The following FAM184A variants were observed in gnomAD, a reference collection of about 807,000 sequenced individuals.
FAM184A encodes the protein protein FAM184A.
Under a neutral mutation model 143.8 loss-of-function variants are expected in FAM184A, and 99 were observed. That is an observed-to-expected ratio of 0.69 (90% confidence interval 0.58 to 0.81). The LOEUF (loss-of-function observed/expected upper bound fraction) is 0.81, where lower values mean the gene tolerates loss of function less well. FAM184A is among the 40% of genes least tolerant of loss of function. The pLI, the probability that FAM184A is intolerant of heterozygous loss-of-function variation, is 0.00. For missense variants in FAM184A, 1,217 were observed against 1,310.5 expected (o/e 0.93, Z 1.10); for synonymous variants, 427 against 446.4 (o/e 0.96, Z 0.55).
At chr6:119,028,993 C>T (rs1259249795) in intron 1 of FAM184A, among the ~76,000 whole-genome samples, 1 of 152,164 alleles carries the variant, frequency 6.6e-6, no homozygotes, top group Non-Finnish European at 1.5e-5. Flanking sequence ...GTTATGTGTT[C>T]TATCCAGTGT....
chr6:119,040,141 C>A (rs756217013), intron 1 of FAM184A, among the ~76,000 whole-genome samples: 1 of 151,788 alleles, frequency 6.6e-6, no homozygotes, highest in Non-Finnish European at 1.5e-5. Flanking sequence ...AAATAAATTT[C>A]CATTCCTGCT....
intron 1 of FAM184A, among the ~76,000 whole-genome samples, chr6:119,027,029 C>T (rs756159032): frequency 2.0e-5 from 3 of 152,094 alleles, no homozygotes; most frequent in Admixed American, 2.0e-4. Context: ...AGAACCTTGG[C>T]GTCCACAACC....
At chr6:119,000,839 G>A (rs548825164) in intron 9 of FAM184A, among the ~76,000 whole-genome samples, 3 of 151,934 alleles carry the variant, frequency 2.0e-5, no homozygotes, top group South Asian at 4.2e-4. Flanking sequence ...TTTCCCTTAT[G>A]TGCTGAATGC....
chr6:119,064,719 C>A (rs988391843), intron 1 of FAM184A, among the ~76,000 whole-genome samples: 1 of 152,070 alleles, frequency 6.6e-6, no homozygotes, highest in Non-Finnish European at 1.5e-5. Flanking sequence ...AAAACAACAA[C>A]AAAAAACTGA....
intron 1 of FAM184A, among the ~76,000 whole-genome samples, chr6:119,053,676 C>T (rs617874): frequency 0.037 from 5,703 of 152,180 alleles, 392 homozygotes; most frequent in African/African-American, 0.13. Flanking sequence ...TCCCATTCTC[C>T]ATCCTATGGC....
chr6:118,970,770 AAATTACT>A (rs926016630), intron 14 of FAM184A, among the ~76,000 whole-genome samples: 2 of 152,172 alleles, frequency 1.3e-5, no homozygotes, highest in Admixed American at 6.5e-5. Flanking sequence ...AGAACATATA[AAATTACT>A]AATTAGGGCC....
chr6:119,109,396 C>G (rs1170275467), intron 1 of FAM184A, among the ~76,000 whole-genome samples: 7 of 152,200 alleles, frequency 4.6e-5, no homozygotes, highest in Non-Finnish European at 4.4e-5. Context: ...CTGTTTGGTT[C>G]CATCCCTTTG....
intron 14 of FAM184A, among the ~76,000 whole-genome samples, chr6:118,972,446 C>T (rs962565181): frequency 1.3e-5 from 2 of 151,704 alleles, no homozygotes; most frequent in Non-Finnish European, 2.9e-5. Flanking sequence ...GGAGTAAACA[C>T]CTAAAGCTAG....
intron 9 of FAM184A, 113 bp downstream of exon 9, chr6:119,002,785 GT>G (rs1218474528): frequency 2.1e-6 from 2 of 950,516 alleles, no homozygotes; most frequent in African/African-American, 3.3e-5. Flanking sequence ...GAAGTTTTAA[GT>G]TTGTCCCATG....
chr6:119,067,803 T>A (rs1787514246), intron 1 of FAM184A, among the ~76,000 whole-genome samples: 2 of 152,096 alleles, frequency 1.3e-5, no homozygotes, highest in Non-Finnish European at 2.9e-5. Flanking sequence ...GTAGACTATA[T>A]ATCCATCAGA....
chr6:119,042,707 C>T (rs1786385519), intron 1 of FAM184A, among the ~76,000 whole-genome samples: 3 of 152,168 alleles, frequency 2.0e-5, no homozygotes, highest in Non-Finnish European at 4.4e-5. Flanking sequence ...ACATCAAGAA[C>T]AAATCCTAAT....
intron 5 of FAM184A, among the ~76,000 whole-genome samples, chr6:119,015,647 C>T (rs1478996415): frequency 6.6e-6 from 1 of 152,216 alleles, no homozygotes; most frequent in Non-Finnish European, 1.5e-5. Flanking sequence ...CCTCCCCCGA[C>T]GAATGCTGCC....
chr6:119,036,919 TAGAA>T (rs1198388158), intron 1 of FAM184A, among the ~76,000 whole-genome samples: 2 of 152,156 alleles, frequency 1.3e-5, no homozygotes, highest in Non-Finnish European at 1.5e-5. Context: ...TTGCAGTAAT[TAGAA>T]AGGCATAAAA....
intron 9 of FAM184A, among the ~76,000 whole-genome samples, chr6:118,983,194 C>A (rs2114589173): frequency 6.6e-6 from 1 of 152,212 alleles, no homozygotes; most frequent in East Asian, 1.9e-4. Flanking sequence ...TTATTTTGTT[C>A]TTTTTAAAAA....
intron 1 of FAM184A, among the ~76,000 whole-genome samples, chr6:119,102,402 G>A (rs1031886193): frequency 2.6e-5 from 4 of 152,084 alleles, no homozygotes; most frequent in African/African-American, 9.7e-5. Context: ...CTTAGAATCA[G>A]GTGTATTAGG....
chr6:118,994,270 T>C (rs1784470716), intron 9 of FAM184A, among the ~76,000 whole-genome samples: 2 of 152,108 alleles, frequency 1.3e-5, no homozygotes, highest in South Asian at 4.1e-4. Flanking sequence ...AATAAATGGA[T>C]AAATGCATGA....
In FAM184A at chr6:119,011,431, C is replaced by G. The variant is rs756769671; in HGVS notation, c.1531G>C (p.Asp511His). ...TCTTTGTTATGTTGTTCTTCCAAAT[C>G]CTTAGAAAAAGAAATTTTTTAAAAA... The part of the protein sequence containing the change: ...AIRDKKKLQM[D>H]LEEQHNKDKL... The change falls in exon 6 of 18, where the codon GAT becomes CAT. Residue 511 changes from aspartate to histidine, a missense_variant and splice_region_variant. Transcript: ENST00000338891. The G allele has an allele frequency of 9.8e-5, 149 of 1,519,744 alleles. No individual in the cohort carries two copies. The highest frequency in any genetic ancestry group is 1.3e-4 in the Non-Finnish European group (146 of 1,120,854). The allele number at this position is 1,519,744 out of a possible 1,614,324, so 94.1% of individuals were successfully genotyped here. A position where few individuals can be genotyped will look rare whatever the true frequency, so the allele number is the denominator to read the frequency against.
intron 1 of FAM184A, among the ~76,000 whole-genome samples, chr6:119,055,066 A>T (rs1786909473): frequency 6.6e-6 from 1 of 152,056 alleles, no homozygotes; most frequent in Non-Finnish European, 1.5e-5. Flanking sequence ...TTCTCCTCAC[A>T]ACCCCTCTCA....
chr6:118,990,030 T>C (rs1449631809), intron 9 of FAM184A, among the ~76,000 whole-genome samples: 1 of 152,152 alleles, frequency 6.6e-6, no homozygotes, highest in Non-Finnish European at 1.5e-5. Flanking sequence ...GGTTTCACCA[T>C]GTTGGCCAGG....
Sources: gnomAD v4.1 joint callset for allele counts (sites outside exome capture counted in the v4.1 genomes callset) on GRCh38, gnomAD v4.1.1 for gene constraint, MANE v1.5 for transcripts, NCBI Gene and HGNC (gene_info 2026-07-23, HGNC 2026-07-21) for gene names.